POLR3A: variants seen among roughly 807,000 people sequenced by gnomAD.
POLR3A encodes RNA polymerase III subunit A.
Under a neutral mutation model 152.8 loss-of-function variants are expected in POLR3A, and 112 were observed. That is an observed-to-expected ratio of 0.73 (90% CI 0.63 to 0.86). The LOEUF (loss-of-function observed/expected upper bound fraction) is 0.86. Among genes scored for constraint, POLR3A ranks in the 40% least tolerant of loss-of-function variants. The pLI, the probability that POLR3A is intolerant of heterozygous loss-of-function variation, is 0.00. For missense variants in POLR3A, 1,385 were observed against 1,743.1 expected, an observed-to-expected ratio of 0.79 and a Z score of 3.66; for synonymous variants, 615 against 652.1, an observed-to-expected ratio of 0.94 and a Z score of 0.87.
At chr10:78,012,931 G>A (rs1389353020) in intron 11 of POLR3A, among the ~76,000 whole-genome samples, 4 of 152,004 alleles carry the variant, frequency 2.6e-5, no homozygotes, top group Admixed American at 1.3e-4. Flanking sequence ...CATGTTGTCC[G>A]GGCTGGTCTT....
intron 5 of POLR3A, among the ~76,000 whole-genome samples, chr10:78,023,299 A>G (rs975536575): frequency 4.6e-5 from 7 of 152,042 alleles, no homozygotes; most frequent in Non-Finnish European, 7.4e-5. Context: ...TGTCTCTACA[A>G]AAGTACAAAA....
intron 16 of POLR3A, among the ~76,000 whole-genome samples, chr10:78,004,278 CA>C: frequency 6.6e-6 from 1 of 152,088 alleles, no homozygotes; most frequent in African/African-American, 2.4e-5. Flanking sequence ...CAAAAAAAAC[CA>C]AACCCCCAAA....
chr10:78,014,630 C>A (rs968235327), intron 10 of POLR3A, among the ~76,000 whole-genome samples: 4 of 152,070 alleles, frequency 2.6e-5, no homozygotes, highest in Non-Finnish European at 5.9e-5. Context: ...GTCTAGAACT[C>A]CTGACCTCAT....
chr10:77,996,505 A>C (rs1187207909), intron 19 of POLR3A, among the ~76,000 whole-genome samples: 3 of 152,258 alleles, frequency 2.0e-5, no homozygotes, highest in Non-Finnish European at 2.9e-5. Context: ...ACAGAAATAC[A>C]AACTACCATC....
At chr10:77,994,914 A>C (rs1258331385) in intron 19 of POLR3A, among the ~76,000 whole-genome samples, 1 of 152,234 alleles carries the variant, frequency 6.6e-6, no homozygotes, top group African/African-American at 2.4e-5. Context: ...CCAGAGAGAA[A>C]GGTCGGGTTA....
chr10:78,009,485 T>C, intron 14 of POLR3A, 52 bp downstream of exon 14: 1 of 1,613,534 alleles, frequency 6.2e-7, no homozygotes, highest in Non-Finnish European at 8.5e-7. Flanking sequence ...GACCAGCCAC[T>C]TGCTTTTCTG....
At chr10:77,978,957 C>T (rs983803694) in intron 30 of POLR3A, among the ~76,000 whole-genome samples, 1 of 151,982 alleles carries the variant, frequency 6.6e-6, no homozygotes, top group African/African-American at 2.4e-5. Flanking sequence ...CCACCGCGCC[C>T]GGCCCACGCT....
Position 77,977,292 on chromosome 10 carries a change from G to T in POLR3A, c.*186C>A. 2 of 673,724 alleles carry T rather than the reference G, an allele frequency of 3.0e-6. No individual in the cohort carries two copies. The highest frequency in any genetic ancestry group is 2.6e-5 in the East Asian group (1 of 39,144). 41.7% of individuals were successfully genotyped at this position (673,724 alleles called of 1,614,324 possible). On this transcript the variant is annotated 3_prime_UTR_variant, in exon 31 of 31. Transcript: ENST00000372371. ...TCCCGAGCAGCGTGGCACAGTCAGG[G>T]TCACTGGTGTGAGCTGCACCCTATC...
chr10:78,012,084 G>A lies in POLR3A; in HGVS notation c.1573-1544C>T, dbSNP rs185825261. Reference sequence around the variant, plus strand: ...GCTCATTATAGAAAATAAATCTAAGGCCAGGTGCAATGGCTCACACCTGTA... The same window carrying A: ...GCTCATTATAGAAAATAAATCTAAGACCAGGTGCAATGGCTCACACCTGTA... On this transcript the variant is annotated intron_variant, in intron 11 of 30. Transcript: ENST00000372371. Among the ~76,000 whole-genome samples the A allele has an allele frequency of 1.1e-4, 16 of 152,236 alleles. No individual in the cohort carries two copies. The East Asian group carries it at 2.7e-3, about 26-fold the overall frequency.
intron 19 of POLR3A, among the ~76,000 whole-genome samples, chr10:77,995,357 C>A (rs1395296911): frequency 3.3e-5 from 5 of 152,168 alleles, no homozygotes; most frequent in African/African-American, 1.2e-4. Flanking sequence ...TTAAAAGACA[C>A]AGACTGGCAA....
At chr10:77,978,025 AAAAGCAAAC>A (rs1847105947) in intron 30 of POLR3A, among the ~76,000 whole-genome samples, 1 of 152,182 alleles carries the variant, frequency 6.6e-6, no homozygotes, top group Non-Finnish European at 1.5e-5. Context: ...AGCCTCCAAG[AAAAGCAAAC>A]AACTGGGACA....
chr10:78,010,833 T>C (rs938492072), intron 11 of POLR3A, among the ~76,000 whole-genome samples: 5 of 151,912 alleles, frequency 3.3e-5, no homozygotes, highest in African/African-American at 1.2e-4. Flanking sequence ...ACTCTACCCA[T>C]GTAAGAAGAT....
In POLR3A at chr10:77,981,512, A is replaced by G; in HGVS notation, c.3807T>C (p.Asn1269=). 1 of 1,613,798 alleles carries G rather than the reference A, an allele frequency of 6.2e-7. No homozygotes were observed. Among genetic ancestry groups the G allele is most frequent in the Non-Finnish European group, 8.5e-7 (1 of 1,179,760 alleles). ...GIEAARTTII[N]EIQYTMVNHG... ...GGTTCACCATGGTGTACTGGATTTCATTGATGATCGTTGTCCGGGCGGCCT... is the reference window on the plus strand; with the variant it reads ...GGTTCACCATGGTGTACTGGATTTCGTTGATGATCGTTGTCCGGGCGGCCT... Residue 1269 remains asparagine (N), a synonymous_variant, in exon 29 of 31, where the codon AAT becomes AAC. Transcript: ENST00000372371.
intron 19 of POLR3A, among the ~76,000 whole-genome samples, chr10:77,993,957 T>C (rs1260409757): frequency 6.6e-6 from 1 of 152,178 alleles, no homozygotes; most frequent in South Asian, 2.1e-4. Flanking sequence ...GAAGGAAATC[T>C]TCCTCTAGGC....
intron 11 of POLR3A, chr10:78,013,123 G>A: frequency 1.1e-5 from 2 of 183,524 alleles, no homozygotes; most frequent in South Asian, 2.2e-4. Context: ...TTATGCATTT[G>A]TCAAATAAAG....
At chr10:77,989,810 G>A (rs1160695729) in intron 21 of POLR3A, among the ~76,000 whole-genome samples, 1 of 152,018 alleles carries the variant, frequency 6.6e-6, no homozygotes, top group African/African-American at 2.4e-5. Flanking sequence ...AAACATGAGC[G>A]TGAAGAAAAA....
At chr10:78,009,804 A>G (rs1252909392) in intron 13 of POLR3A, 60 bp downstream of exon 13, 1 of 1,605,342 alleles carries the variant, frequency 6.2e-7, no homozygotes, top group East Asian at 2.2e-5. Flanking sequence ...TCATTTCACC[A>G]GTCTACCCCC....
At chr10:78,025,978 T>C (rs1030072248) in intron 2 of POLR3A, 116 bp downstream of exon 2, 7 of 1,334,582 alleles carry the variant, frequency 5.2e-6, no homozygotes, top group African/African-American at 1.5e-5. Flanking sequence ...TAGTCTAATA[T>C]GTGCAGGGGG....
intron 29 of POLR3A, 95 bp downstream of exon 29, chr10:77,981,327 ACAGCAG>A (rs919506671): frequency 1.7e-5 from 19 of 1,128,028 alleles, no homozygotes; most frequent in Non-Finnish European, 2.2e-5. Context: ...GATGGTCCTC[ACAGCAG>A]CGTATTCTAC....
Sources: allele counts gnomAD v4.1 joint callset (sites outside exome capture counted in the v4.1 genomes callset), GRCh38; gene constraint gnomAD v4.1.1; transcripts MANE v1.5; gene names NCBI Gene and HGNC (gene_info 2026-07-23, HGNC 2026-07-21).